TUSC3: variants seen among roughly 807,000 people sequenced by gnomAD.
The protein encoded by TUSC3 is dolichyl-diphosphooligosaccharide--protein glycosyltransferase subunit TUSC3.
Under a neutral mutation model 44.8 loss-of-function variants are expected in TUSC3, and 45 were observed. That is an observed-to-expected ratio of 1.00 (90% CI 0.79 to 1.29). The LOEUF is 1.29. Ranked by LOEUF, TUSC3 falls within the 50% of genes most tolerant of loss-of-function variation. The pLI, the probability that TUSC3 is intolerant of heterozygous loss-of-function variation, is 0.00. For missense variants in TUSC3, 519 were observed against 437.9 expected (o/e 1.19, Z -1.65); for synonymous variants, 212 against 152.9 (o/e 1.39, Z -2.85).
chr8:15,613,865 A>G (rs1351871174), intron 1 of TUSC3, among the ~76,000 whole-genome samples: 1 of 152,176 alleles, frequency 6.6e-6, no homozygotes, highest in African/African-American at 2.4e-5. Flanking sequence ...ATTCATGAGC[A>G]TAATTTTCTT....
chr8:15,449,682 C>T (rs907421952), intron 1 of TUSC3, among the ~76,000 whole-genome samples: 7 of 152,028 alleles, frequency 4.6e-5, no homozygotes, highest in Non-Finnish European at 1.5e-5. Context: ...CTCTGGTGTC[C>T]CTTTGATCGC....
At chr8:15,726,791 C>T (rs1024573995) in intron 6 of TUSC3, among the ~76,000 whole-genome samples, 1 of 151,852 alleles carries the variant, frequency 6.6e-6, no homozygotes, top group Non-Finnish European at 1.5e-5. Flanking sequence ...GGGTGAAAAG[C>T]GTGAAACTTT....
intron 2 of TUSC3, among the ~76,000 whole-genome samples, chr8:15,484,426 A>G (rs1003989329): frequency 6.6e-6 from 1 of 152,234 alleles, no homozygotes; most frequent in Non-Finnish European, 1.5e-5. Context: ...GTACTGAAGT[A>G]AATAAACGCT....
At chr8:15,830,082 C>A in the TUSC3 span, among the ~76,000 whole-genome samples, 1 of 150,882 alleles carries the variant, frequency 6.6e-6, no homozygotes, top group African/African-American at 2.4e-5. Flanking sequence ...GTTGGCTGCT[C>A]GTATGTCTTC....
At chr8:15,546,561 G>C (rs1801869388) in intron 1 of TUSC3, among the ~76,000 whole-genome samples, 2 of 151,670 alleles carry the variant, frequency 1.3e-5, no homozygotes, top group African/African-American at 4.8e-5. Context: ...GGGAGACAGA[G>C]TTTTGCTCTT....
chr8:15,837,623 G>A, the TUSC3 span, among the ~76,000 whole-genome samples: 1 of 151,910 alleles, frequency 6.6e-6, no homozygotes, highest in Non-Finnish European at 1.5e-5. Context: ...AGATCTGCCA[G>A]CCGAACTCAC....
At position 15,570,954 on chromosome 8, in the gene TUSC3, G is replaced by GTTTTTTTT. The variant is rs549277334; in HGVS notation, c.138+30399_138+30406dup. On this transcript the variant is annotated intron_variant, in intron 1 of 10. Transcript: ENST00000503731. Reference sequence around the variant, plus strand: ...TTGCTTTCTATTCCATTGCCTATTAGTTTTTTTTTTTTTTTTTTTTGAGAT... The same window carrying GTTTTTTTT: ...TTGCTTTCTATTCCATTGCCTATTAGTTTTTTTTTTTTTTTTTTTTTTTTTTTTGAGAT... 5.2e-3 allele frequency among the ~76,000 whole-genome samples: 232 copies of GTTTTTTTT among 44,460 alleles called. 39 individuals are homozygous for GTTTTTTTT. The highest frequency in any genetic ancestry group is 0.012 in the African/African-American group (200 of 17,384). The allele number at this position is 44,460 out of a possible 152,430, so 29.2% of individuals were successfully genotyped here. A position where few individuals can be genotyped will look rare whatever the true frequency, so the allele number is the denominator to read the frequency against.
chr8:15,743,634 T>G (rs1811287380), intron 8 of TUSC3, 22 bp downstream of exon 8: 2 of 1,613,626 alleles, frequency 1.2e-6, no homozygotes, highest in Non-Finnish European at 8.5e-7. Context: ...TGTTGCCATT[T>G]TTGTAATTTC....
chr8:15,793,037 C>G, the TUSC3 span, among the ~76,000 whole-genome samples: 1 of 152,070 alleles, frequency 6.6e-6, no homozygotes, highest in Admixed American at 6.5e-5. Context: ...TTTCTCTTCT[C>G]CCAACAACCA....
intron 6 of TUSC3, among the ~76,000 whole-genome samples, chr8:15,723,924 A>G (rs1810400546): frequency 6.6e-6 from 1 of 152,172 alleles, no homozygotes; most frequent in Non-Finnish European, 1.5e-5. Flanking sequence ...TTATTCACTT[A>G]GAATTACTGA....
intron 9 of TUSC3, among the ~76,000 whole-genome samples, chr8:15,750,861 A>G (rs1003849505): frequency 6.6e-6 from 1 of 152,196 alleles, no homozygotes; most frequent in African/African-American, 2.4e-5. Context: ...AAACTCTTGT[A>G]AGAAGTCAGA....
At chr8:15,598,362 T>C (rs1302239625) in intron 1 of TUSC3, among the ~76,000 whole-genome samples, 1 of 151,962 alleles carries the variant, frequency 6.6e-6, no homozygotes, top group Non-Finnish European at 1.5e-5. Flanking sequence ...TACAGAGTTT[T>C]TTAATATATC....
At chr8:15,611,476 C>T (rs781003222) in intron 1 of TUSC3, among the ~76,000 whole-genome samples, 82 of 152,262 alleles carry the variant, frequency 5.4e-4, no homozygotes, top group Middle Eastern at 3.4e-3. Context: ...CGTGAGCCAT[C>T]GTACCTGGCT....
At chr8:15,490,619 G>GTCT (rs1178171445) in intron 2 of TUSC3, among the ~76,000 whole-genome samples, 3 of 152,142 alleles carry the variant, frequency 2.0e-5, no homozygotes, top group Non-Finnish European at 4.4e-5. Context: ...GGTGTGCTGG[G>GTCT]TCTTCATCCT....
chr8:15,563,367 T>G (rs1035602570), intron 1 of TUSC3, among the ~76,000 whole-genome samples: 3 of 152,030 alleles, frequency 2.0e-5, no homozygotes, highest in African/African-American at 7.2e-5. Flanking sequence ...TGTTGGAGAT[T>G]GTGGTCTGAG....
chr8:15,510,677 A>G (rs551248442), intron 2 of TUSC3, among the ~76,000 whole-genome samples: 21 of 152,196 alleles, frequency 1.4e-4, no homozygotes. Flanking sequence ...GATGACACCA[A>G]TTTTACACAA....
chr8:15,664,812 T>C (rs1050299603), intron 5 of TUSC3, among the ~76,000 whole-genome samples: 1 of 149,790 alleles, frequency 6.7e-6, no homozygotes, highest in African/African-American at 2.4e-5. Context: ...TTACATTATA[T>C]GTTTTATGTA....
chr8:15,625,897 T>C (rs923747944), intron 2 of TUSC3, among the ~76,000 whole-genome samples: 1 of 152,198 alleles, frequency 6.6e-6, no homozygotes, highest in Non-Finnish European at 1.5e-5. Flanking sequence ...ACTATCAAAT[T>C]TGAGGACCAG....
intron 2 of TUSC3, among the ~76,000 whole-genome samples, chr8:15,529,615 T>C (rs142796075): frequency 2.6e-5 from 4 of 152,136 alleles, no homozygotes; most frequent in African/African-American, 7.2e-5. Context: ...ATTACTTAGA[T>C]GTACTATCTA....
Sources: allele counts gnomAD v4.1 joint callset (sites outside exome capture counted in the v4.1 genomes callset), GRCh38; gene constraint gnomAD v4.1.1; transcripts MANE v1.5; gene names NCBI Gene and HGNC (gene_info 2026-07-23, HGNC 2026-07-21).